The following SPG7 variants were observed in gnomAD, a reference collection of about 807,000 sequenced individuals.
SPG7 encodes SPG7 matrix AAA peptidase subunit, paraplegin, also known as mitochondrial inner membrane m-AAA protease component paraplegin.
Under a neutral mutation model 81.9 loss-of-function variants are expected in SPG7, and 103 were observed. That is an observed-to-expected ratio of 1.26 (90% CI 1.07 to 1.48). The LOEUF (loss-of-function observed/expected upper bound fraction) is 1.48, where lower values mean the gene tolerates loss of function less well. Ranked by LOEUF, SPG7 falls within the 40% of genes most tolerant of loss-of-function variation. The pLI is 0.00. For missense variants in SPG7, 1,241 were observed against 1,087.3 expected (o/e 1.14, Z -1.99); for synonymous variants, 534 against 444.2 (o/e 1.20, Z -2.54).
chr16:89,542,443 A>T (rs2058507565), intron 9 of SPG7, among the ~76,000 whole-genome samples: 1 of 152,170 alleles, frequency 6.6e-6, no homozygotes, highest in African/African-American at 2.4e-5. Context: ...CCGTGATTTT[A>T]AGACACTGTC....
chr16:89,509,220 C>T (rs57790718), intron 1 of SPG7, among the ~76,000 whole-genome samples: 2,795 of 152,194 alleles, frequency 0.018, 78 homozygotes, highest in African/African-American at 0.064. Context: ...TCCTAGCCCT[C>T]GCCTAGGAGC....
chr16:89,554,594 G>A, intron 16 of SPG7, 31 bp downstream of exon 16: 1 of 1,509,644 alleles, frequency 6.6e-7, no homozygotes, highest in South Asian at 1.1e-5. Context: ...GGGGGCTACG[G>A]CGTCACACAG....
chr16:89,521,612 G>T (rs115908210), intron 3 of SPG7: 2 of 152,098 alleles, frequency 1.3e-5, no homozygotes, highest in African/African-American at 4.8e-5. Flanking sequence ...GCGCAGTGGC[G>T]TGCACCTGTA....
intron 3 of SPG7, among the ~76,000 whole-genome samples, chr16:89,515,724 T>TTG (rs796608461): frequency 2.0e-5 from 3 of 149,048 alleles, no homozygotes; most frequent in African/African-American, 2.5e-5. Flanking sequence ...TATTTTTTTT[T>TTG]TTGAGATGGG....
chr16:89,549,486 C>T (rs2058607586), intron 12 of SPG7: 1 of 343,896 alleles, frequency 2.9e-6, no homozygotes, highest in Non-Finnish European at 5.7e-6. Flanking sequence ...CAGCAAGACC[C>T]CATCTCTTAA....
intron 10 of SPG7, chr16:89,545,195 C>T (rs949778486): frequency 1.5e-5 from 5 of 341,444 alleles, no homozygotes; most frequent in East Asian, 7.7e-5. Flanking sequence ...GCTCTGGGGA[C>T]GTGGACTGTG....
At chr16:89,540,959 T>C in intron 9 of SPG7, 1 of 985,328 alleles carries the variant, frequency 1.0e-6, no homozygotes, top group Non-Finnish European at 1.2e-6. Context: ...TACGCAGAAA[T>C]AGAAGAGCTG....
chr16:89,539,537 C>T (rs1567921779), intron 9 of SPG7: 1 of 152,104 alleles, frequency 6.6e-6, no homozygotes, highest in African/African-American at 2.4e-5. Context: ...TTTGCCTATT[C>T]CTAGATCCTA....
chr16:89,523,394 G>C (rs1355885237), intron 3 of SPG7: 1 of 315,490 alleles, frequency 3.2e-6, no homozygotes, highest in East Asian at 8.4e-5. Context: ...CAGTGGGATT[G>C]GGAAGGTATT....
chr16:89,529,542 C>T lies in SPG7; in HGVS notation c.824C>T (p.Ala275Val). The change falls in exon 6 of 17, where the codon GCC (alanine) becomes GTC (valine). Residue 275 changes from alanine (A) to valine (V), a missense_variant. By Grantham distance (64) the Ala-to-Val change is moderately conservative. Coordinates refer to ENST00000645818, the MANE Select transcript of SPG7 (RefSeq NM_003119.4). ...ATCCTGTGGTATGTTTTCCGTCTGG[C>T]CGGGATGACTGGAAGGGAAGGTGGA... Reference protein sequence around the residue: ...LAILWYVFRLAGMTGREGGFS... With the variant: ...LAILWYVFRLVGMTGREGGFS... The T allele has an allele frequency of 6.2e-7, 1 of 1,613,870 alleles. No homozygotes were observed. The highest frequency in any genetic ancestry group is 8.5e-7 in the Non-Finnish European group (1 of 1,179,808).
intron 13 of SPG7, chr16:89,551,157 G>A (rs2058630218): frequency 5.3e-6 from 1 of 187,008 alleles, no homozygotes; most frequent in Non-Finnish European, 1.1e-5. Flanking sequence ...GCTTCTCTAA[G>A]ACGTGGCTCC....
At chr16:89,556,077 A>T in intron 16 of SPG7, 1 of 398,810 alleles carries the variant, frequency 2.5e-6, no homozygotes, top group Non-Finnish European at 4.4e-6. Context: ...AACGGGAGCA[A>T]AGCTGCAGGC....
At chr16:89,512,714 A>T (rs2058038545) in intron 2 of SPG7, among the ~76,000 whole-genome samples, 2 of 152,240 alleles carry the variant, frequency 1.3e-5, no homozygotes, top group South Asian at 4.1e-4. Context: ...TAGCAATTTA[A>T]GTAGCAAAGA....
intron 8 of SPG7, 145 bp from the exon 9 acceptor site, chr16:89,532,318 G>A (rs777182730): frequency 3.7e-5 from 41 of 1,097,526 alleles, no homozygotes; most frequent in South Asian, 5.4e-5. Context: ...GGGCCCCCGC[G>A]AGCAGCTGCC....
Position 89,556,891 on chromosome 16 carries a change from CA to C in SPG7, c.2189del (p.Asn730ThrfsTer8), listed in dbSNP as rs863224223. ...TGCTATGCCTGTTCTTTCTAGCTGG[CA>C]AACGCCCTTCTGGAAAAGGAAGTGA... The part of the protein sequence containing the change: ...QDNLDKLQAL[A>X]NALLEKEVIN... On this transcript the variant is annotated frameshift_variant, in exon 17 of 17. Coordinates refer to ENST00000645818, the MANE Select transcript of SPG7 (RefSeq NM_003119.4). LOFTEE classifies it low-confidence loss of function (END_TRUNC). 2 of 1,613,394 alleles carry C rather than the reference CA, an allele frequency of 1.2e-6. No individual in the cohort carries two copies. The highest frequency in any genetic ancestry group is 2.7e-5 in the African/African-American group (2 of 75,016).
intron 12 of SPG7, chr16:89,548,954 TC>T (rs2058600842): frequency 2.2e-6 from 1 of 454,548 alleles, no homozygotes; most frequent in Non-Finnish European, 4.4e-6. Context: ...TCGAGTGAAT[TC>T]CTAGCACGAA....
rs760540566 is a variant in SPG7, at chr16:89,544,741, G to A, written c.1418G>A (p.Arg473Gln). 1.1e-5 allele frequency: 17 copies of A among 1,613,956 alleles called. No homozygotes were observed. The highest frequency in any genetic ancestry group is 5.0e-5 in the Admixed American group (3 of 60,008). ...GALMRPGRLDRHVFIDLPTLQ... is the reference protein window; with the variant it reads ...GALMRPGRLDQHVFIDLPTLQ... ...CTGATGAGGCCAGGCCGACTGGACC[G>A]GCACGTCTTCATTGATCTCCCCACG... Residue 473 changes from arginine (R) to glutamine (Q), a missense_variant, in exon 10 of 17, where the codon CGG becomes CAG. Physicochemically the swap from Arg to Gln is conservative, Grantham distance 43. Coordinates refer to ENST00000645818, the MANE Select transcript of SPG7 (RefSeq NM_003119.4).
Position 89,557,266 on chromosome 16 carries a change from C to CTG in SPG7, c.*174_*175dup. On this transcript the variant is annotated 3_prime_UTR_variant, in exon 17 of 17. Coordinates refer to ENST00000645818, the MANE Select transcript of SPG7 (RefSeq NM_003119.4). ...ACCCTTTTCATGATTTTAAGTTTCTCTGCAGAAACTACTGACGGAGTCCTG... is the reference window on the plus strand; with the variant it reads ...ACCCTTTTCATGATTTTAAGTTTCTCTGTGCAGAAACTACTGACGGAGTCCTG... 2 of 605,796 alleles carry CTG rather than the reference C, an allele frequency of 3.3e-6. No individual in the cohort carries two copies. The highest frequency in any genetic ancestry group is 5.9e-6 in the Non-Finnish European group (2 of 340,028). 37.5% of individuals were successfully genotyped at this position (605,796 alleles called of 1,614,324 possible). A position where few individuals can be genotyped will look rare whatever the true frequency, so the allele number is the denominator to read the frequency against.
chr16:89,542,620 C>T (rs2058509621), intron 9 of SPG7, among the ~76,000 whole-genome samples: 1 of 152,142 alleles, frequency 6.6e-6, no homozygotes, highest in South Asian at 2.1e-4. Flanking sequence ...TGGGGTGTGT[C>T]TTGGACTGAG....
Sources: allele counts gnomAD v4.1 joint callset (sites outside exome capture counted in the v4.1 genomes callset), GRCh38; gene constraint gnomAD v4.1.1; transcripts MANE v1.5; gene names NCBI Gene and HGNC (gene_info 2026-07-23, HGNC 2026-07-21).